RNF2: variants seen among roughly 807,000 people sequenced by gnomAD.
RNF2 encodes the protein ring finger protein 2, also known as E3 ubiquitin-protein ligase RING2.
In RNF2, 6 loss-of-function variants were observed where a neutral mutation model predicts 37.2. The observed-to-expected ratio is 0.16, with a 90% confidence interval of 0.09 to 0.32. RNF2 has a LOEUF of 0.32. Among genes scored for constraint, RNF2 ranks in the 10% least tolerant of loss-of-function variants. The pLI, the probability that RNF2 is intolerant of heterozygous loss-of-function variation, is 1.00. For synonymous variants in RNF2, 133 were observed against 132.7 expected, an observed-to-expected ratio of 1.00 and a Z score of -0.02; for missense variants, 251 against 404.0, an observed-to-expected ratio of 0.62 and a Z score of 3.25.
intron 1 of RNF2, among the ~76,000 whole-genome samples, chr1:185,061,196 C>T (rs1216799537): frequency 2.7e-5 from 4 of 149,224 alleles, no homozygotes; most frequent in Non-Finnish European, 5.9e-5. Context: ...GGCGGGATCT[C>T]GGCTCACTGC....
intron 1 of RNF2, among the ~76,000 whole-genome samples, chr1:185,067,708 C>CT (rs753063280): frequency 0.054 from 6,497 of 121,096 alleles, 399 homozygotes; most frequent in African/African-American, 0.14. Context: ...TAAAAGTATC[C>CT]TTTTTTTTTT....
At chr1:185,047,689 T>G (rs1415345388) in intron 1 of RNF2, among the ~76,000 whole-genome samples, 1 of 152,232 alleles carries the variant, frequency 6.6e-6, no homozygotes, top group Admixed American at 6.5e-5. Flanking sequence ...TGGCAGTGTT[T>G]CTAGTATGAC....
chr1:185,094,926 A>G (rs1355832875), intron 4 of RNF2, among the ~76,000 whole-genome samples: 2 of 152,206 alleles, frequency 1.3e-5, no homozygotes, highest in African/African-American at 2.4e-5. Flanking sequence ...ACTCACTCAG[A>G]AAACTTTCAA....
Position 185,100,345 on chromosome 1 carries a change from T to C in RNF2, c.*44T>C. On this transcript the variant is annotated 3_prime_UTR_variant, in exon 7 of 7. Transcript: ENST00000367510. ...TGAGACTGAACTTTTTTATAGCCTA[T>C]TTCTTTAATATTAAAGATGTACTGG... is the stretch of plus-strand genomic sequence containing the variant. 1.6e-6 allele frequency: 2 copies of C among 1,274,196 alleles called. No individual in the cohort carries two copies. The highest frequency in any genetic ancestry group is 2.6e-5 in the South Asian group (2 of 77,026). 78.9% of individuals were successfully genotyped at this position (1,274,196 alleles called of 1,614,324 possible). A position where few individuals can be genotyped will look rare whatever the true frequency, so the allele number is the denominator to read the frequency against.
chr1:185,072,625 A>AG (rs1431685205), intron 1 of RNF2, among the ~76,000 whole-genome samples: 1 of 152,084 alleles, frequency 6.6e-6, no homozygotes, highest in Non-Finnish European at 1.5e-5. Flanking sequence ...GATCTTTGCA[A>AG]GACTGATGAA....
intron 1 of RNF2, among the ~76,000 whole-genome samples, chr1:185,046,497 T>C (rs1650125815): frequency 6.6e-6 from 1 of 152,290 alleles, no homozygotes; most frequent in East Asian, 1.9e-4. Flanking sequence ...TAAAAATTGA[T>C]CTCAAACTTT....
rs561753551 is a variant in RNF2 at position 185,088,329 on chromosome 1, TGA to T, written c.87+697_87+698del. On this transcript the variant is annotated intron_variant, in intron 2 of 6. Coordinates refer to ENST00000367510, the MANE Select transcript of RNF2 (RefSeq NM_007212.4). ...AGAAAAGGAAGGAAAAACAGGAGAT[TGA>T]GAGAGAGGGGGGATTTAAAAGCTAA... Among the ~76,000 whole-genome samples, 218 of 151,916 alleles carry T rather than the reference TGA, an allele frequency of 1.4e-3. 2 individuals are homozygous for T. The Middle Eastern group carries it at 0.017, about 12-fold the overall frequency.
chr1:185,057,484 G>T (rs558551040), intron 1 of RNF2, among the ~76,000 whole-genome samples: 3 of 151,880 alleles, frequency 2.0e-5, no homozygotes, highest in Non-Finnish European at 2.9e-5. Context: ...TGATAAGCAC[G>T]TCCATTATTC....
At chr1:185,062,912 C>T (rs1446081243) in intron 1 of RNF2, among the ~76,000 whole-genome samples, 1 of 152,072 alleles carries the variant, frequency 6.6e-6, no homozygotes, top group African/African-American at 2.4e-5. Flanking sequence ...ATTTCCCTCC[C>T]ACTTATCAGA....
At chr1:185,090,963 C>T (rs966964222) in intron 2 of RNF2, among the ~76,000 whole-genome samples, 3 of 152,272 alleles carry the variant, frequency 2.0e-5, no homozygotes, top group Admixed American at 2.0e-4. Flanking sequence ...TAAATCAGCT[C>T]CTGGGTTAGC....
intron 1 of RNF2, among the ~76,000 whole-genome samples, chr1:185,061,031 C>T (rs939108973): frequency 1.3e-5 from 2 of 151,872 alleles, no homozygotes; most frequent in Admixed American, 6.6e-5. Flanking sequence ...ATGGGAGGAT[C>T]GCTTGAGCCT....
intron 1 of RNF2, among the ~76,000 whole-genome samples, chr1:185,079,280 A>G: frequency 6.6e-6 from 1 of 152,104 alleles, no homozygotes; most frequent in Admixed American, 6.5e-5. Context: ...TGGGCCTGTG[A>G]AACAACATTT....
intron 1 of RNF2, among the ~76,000 whole-genome samples, chr1:185,075,373 T>C (rs1651116612): frequency 6.6e-6 from 1 of 152,196 alleles, no homozygotes; most frequent in Admixed American, 6.5e-5. Flanking sequence ...AAGAAATACA[T>C]TCCTTATGCG....
At chr1:185,052,284 G>A (rs1007739222) in intron 1 of RNF2, among the ~76,000 whole-genome samples, 2 of 152,096 alleles carry the variant, frequency 1.3e-5, no homozygotes, top group African/African-American at 4.8e-5. Context: ...TCCTGGCACC[G>A]CTATTCATGA....
intron 1 of RNF2, among the ~76,000 whole-genome samples, chr1:185,075,160 A>AT (rs547544251): frequency 2.6e-5 from 4 of 151,902 alleles, no homozygotes; most frequent in African/African-American, 7.3e-5. Flanking sequence ...CACCTGGCTA[A>AT]TTTTTTTATT....
At chr1:185,097,772 A>T (rs1651953581) in intron 4 of RNF2, among the ~76,000 whole-genome samples, 1 of 152,216 alleles carries the variant, frequency 6.6e-6, no homozygotes, top group Non-Finnish European at 1.5e-5. Context: ...CCTGGCCTCA[A>T]GCTCCTCCCA....
rs1280423676 is a variant in RNF2 at position 185,100,963 on chromosome 1, A to G, written c.*662A>G. ...GAATTTCTGGTCCTGGGAAGAATCA[A>G]ACAAAATCTTAAGTTCTATGAGAAC... On this transcript the variant is annotated 3_prime_UTR_variant, in exon 7 of 7. Coordinates refer to ENST00000367510, the MANE Select transcript of RNF2 (RefSeq NM_007212.4). The G allele has an allele frequency of 1.3e-5, 2 of 152,462 alleles. No homozygotes were observed. Among genetic ancestry groups the G allele is most frequent in the African/African-American group, 4.8e-5 (2 of 41,422 alleles). The allele number at this position is 152,462 out of a possible 1,614,324, so 9.4% of individuals were successfully genotyped here. A position where few individuals can be genotyped will look rare whatever the true frequency, so the allele number is the denominator to read the frequency against.
rs771015355 is a variant in RNF2 at position 185,099,951 on chromosome 1, G to A, written c.898G>A (p.Gly300Ser). 2.5e-6 allele frequency: 4 copies of A among 1,607,942 alleles called. No homozygotes were observed. The South Asian group carries it at 4.4e-5, about 18-fold the overall frequency. The stretch of plus-strand genomic sequence containing the variant: ...TACCATTTATATAGCAACAGCCAGT[G>A]GCCAGTTCACTGTGAGTATTTAAAA... ...QYTIYIATAS[G>S]QFTVLNGSFS... is the part of the protein sequence containing the mutation. The change falls in exon 6 of 7, where the codon GGC becomes AGC. Residue 300 changes from glycine to serine, a missense_variant. Around this residue, in one of 7 missense-constraint regions of RNF2, gnomAD observed 59 missense variants for 69.1 expected, o/e 0.85. Transcript: ENST00000367510.
Position 185,091,697 on chromosome 1 carries a change from A to G in RNF2, c.206A>G (p.His69Arg). 1 of 1,614,150 alleles carries G rather than the reference A, an allele frequency of 6.2e-7. No homozygotes were observed. The highest frequency in any genetic ancestry group is 8.5e-7 in the Non-Finnish European group (1 of 1,180,016). ...ACCATGACTACAAAGGAGTGTTTAC[A>G]TCGTTTTTGTGCAGACTGCATCATC... is the stretch of plus-strand genomic sequence containing the variant. ...KNTMTTKECL[H>R]RFCADCIITA... The change falls in exon 3 of 7, where the codon CAT (histidine) becomes CGT (arginine). Residue 69 changes from histidine (H) to arginine (R), a missense_variant. Physicochemically the swap from His to Arg is conservative, Grantham distance 29. Transcript: ENST00000367510.
Sources: gnomAD v4.1 joint callset for allele counts (sites outside exome capture counted in the v4.1 genomes callset) on GRCh38, gnomAD v4.1.1 for gene constraint, gnomAD v4.1.1 regional missense constraint, MANE v1.5 for transcripts, NCBI Gene and HGNC (gene_info 2026-07-23, HGNC 2026-07-21) for gene names.